Variants in TRPV2 observed in about 807,000 individuals in gnomAD.
TRPV2 encodes the protein OTRPC2.
Under a neutral mutation model 91.0 loss-of-function variants are expected in TRPV2, and 58 were observed. That is an observed-to-expected ratio of 0.64 (90% CI 0.52 to 0.79). TRPV2 has a LOEUF of 0.79. Among genes scored for constraint, TRPV2 ranks in the 30% least tolerant of loss-of-function variants. The pLI is 0.00. For missense variants in TRPV2, 807 were observed against 969.6 expected (o/e 0.83, Z 2.23); for synonymous variants, 417 against 414.8 (o/e 1.01, Z -0.06).
At position 16,435,400 on chromosome 17, in the gene TRPV2, C is replaced by T. The variant is rs541495328; in HGVS notation, c.2194+431C>T. On this transcript the variant is annotated intron_variant, in intron 14 of 14. Coordinates refer to ENST00000338560, the MANE Select transcript of TRPV2 (RefSeq NM_016113.5). This position sits in a 1 kb window ranked among gnomAD's most constrained non-coding sequence, Gnocchi z 4.2. Reference sequence around the variant, plus strand: ...CAGAGGCAGCATCTCCCTGGACCCTCAGAGGAACTGCCCTGCATAGGCCCT... The same window carrying T: ...CAGAGGCAGCATCTCCCTGGACCCTTAGAGGAACTGCCCTGCATAGGCCCT... 6.6e-6 allele frequency among the ~76,000 whole-genome samples: 1 copy of T among 152,318 alleles called. No individual in the cohort carries two copies. The highest frequency in any genetic ancestry group is 2.1e-4 in the South Asian group (1 of 4,826).
intron 10 of TRPV2, among the ~76,000 whole-genome samples, chr17:16,431,036 G>A (rs1271664310): frequency 6.7e-6 from 1 of 149,386 alleles, no homozygotes; most frequent in Non-Finnish European, 1.5e-5. Context: ...GACCCTGGAA[G>A]GTTTTTTTTT....
In TRPV2 at chr17:16,434,909, G is replaced by T. The variant is rs201799157; in HGVS notation, c.2134G>T (p.Ala712Ser). The T allele has an allele frequency of 6.2e-7, 1 of 1,612,192 alleles. No individual in the cohort carries two copies. Among genetic ancestry groups the T allele is most frequent in the East Asian group, 2.2e-5 (1 of 44,802 alleles). The change falls in exon 14 of 15, where the codon GCT (alanine) becomes TCT (serine). Residue 712 changes from alanine to serine, a missense_variant. Ala to Ser is a moderately conservative substitution (Grantham distance 99). Coordinates refer to ENST00000338560, the MANE Select transcript of TRPV2 (RefSeq NM_016113.5). ...WCFRVEEVNW[A>S]SWEQTLPTLC... is the part of the protein sequence containing the mutation. ...CCTCAGGGTGGAGGAGGTGAACTGG[G>T]CTTCATGGGAGCAGACGCTGCCTAC...
intron 3 of TRPV2, among the ~76,000 whole-genome samples, chr17:16,421,215 C>CT (rs769679042): frequency 0.022 from 3,293 of 147,604 alleles, 128 homozygotes; most frequent in African/African-American, 0.076. Context: ...TATTATTCCC[C>CT]TTTTTTTTTT....
At chr17:16,432,805 C>CTTT (rs549732624) in intron 12 of TRPV2, among the ~76,000 whole-genome samples, 1 of 135,454 alleles carries the variant, frequency 7.4e-6, no homozygotes, top group African/African-American at 2.7e-5. Context: ...TCCAGTGTTT[C>CTTT]TTTTTTTTTT....
Position 16,422,822 on chromosome 17 carries a change from G to A in TRPV2, c.558G>A (p.Gly186=), listed in dbSNP as rs1183181678. 6.3e-7 allele frequency: 1 copy of A among 1,575,288 alleles called. No homozygotes were observed. Among genetic ancestry groups the A allele is most frequent in the Non-Finnish European group, 8.6e-7 (1 of 1,158,510 alleles). The change falls in exon 4 of 15, where the codon GGG becomes GGA. Residue 186 remains glycine (G), a synonymous_variant. Transcript: ENST00000338560. ...LQCVKLLVEN[G]ANVHARACGR... ...GTGTGAAGCTCCTGGTGGAGAATGGGGCCAATGTGCATGCCCGGGCCTGCG... is the reference window on the plus strand; with the variant it reads ...GTGTGAAGCTCCTGGTGGAGAATGGAGCCAATGTGCATGCCCGGGCCTGCG...
chr17:16,433,591 G>A lies in TRPV2; in HGVS notation c.2007G>A (p.Leu669=). 6.2e-7 allele frequency: 1 copy of A among 1,614,164 alleles called. No homozygotes were observed. Among genetic ancestry groups the A allele is most frequent in the Non-Finnish European group, 8.5e-7 (1 of 1,180,026 alleles). The change falls in exon 13 of 15, where the codon CTG becomes CTA. Residue 669 remains leucine (L), a synonymous_variant. Transcript: ENST00000338560. ...IWKLQKAISV[L]EMENGYWWCR... Reference sequence around the variant, plus strand: ...GTCCCCAGAAAGCCATCTCTGTCCTGGAGATGGAGAATGGCTATTGGTGGT... The same window carrying A: ...GTCCCCAGAAAGCCATCTCTGTCCTAGAGATGGAGAATGGCTATTGGTGGT...
chr17:16,432,167 G>A lies in TRPV2; in HGVS notation c.1856G>A (p.Arg619His), dbSNP rs2093416368. 4.3e-6 allele frequency: 7 copies of A among 1,614,126 alleles called. No individual in the cohort carries two copies. Among genetic ancestry groups the A allele is most frequent in the Non-Finnish European group, 5.9e-6 (7 of 1,180,060 alleles). ...ELAFQEQLHFRGMVLLLLLAY... is the reference protein window; with the variant it reads ...ELAFQEQLHFHGMVLLLLLAY... Reference sequence around the variant, plus strand: ...GCCTTCCAGGAGCAGCTGCACTTCCGCGGCATGGTGCTGCTGCTGCTGCTG... The same window carrying A: ...GCCTTCCAGGAGCAGCTGCACTTCCACGGCATGGTGCTGCTGCTGCTGCTG... The change falls in exon 12 of 15, where the codon CGC becomes CAC. Residue 619 changes from arginine to histidine, a missense_variant. Transcript: ENST00000338560.
intron 3 of TRPV2, among the ~76,000 whole-genome samples, chr17:16,422,252 G>C (rs765690091): frequency 1.1e-4 from 17 of 150,240 alleles, no homozygotes; most frequent in Non-Finnish European, 2.2e-4. Context: ...GAACCTGGGA[G>C]GCAGAGCTTG....
At chr17:16,431,286 T>TATATATATATATATAC (rs1491151601) in intron 10 of TRPV2, among the ~76,000 whole-genome samples, 1 of 48,702 alleles carries the variant, frequency 2.1e-5, no homozygotes, top group African/African-American at 7.4e-5. Context: ...TATATATATA[T>TATATATATATATATAC]ACATATTTTT....
intron 3 of TRPV2, among the ~76,000 whole-genome samples, chr17:16,421,656 G>C (rs143345704): frequency 0.14 from 20,950 of 151,750 alleles, 3,255 homozygotes; most frequent in African/African-American, 0.38. Flanking sequence ...CGAGTAGCTG[G>C]GATTACAGGC....
chr17:16,427,270 A>G (rs554007575), intron 7 of TRPV2, among the ~76,000 whole-genome samples, 179 bp from the exon 8 acceptor site: 1 of 152,196 alleles, frequency 6.6e-6, no homozygotes, highest in African/African-American at 2.4e-5. Flanking sequence ...CTACACTGAA[A>G]TGCTACACAA....
In TRPV2 at chr17:16,426,193, T is replaced by C; in HGVS notation, c.1019T>C (p.Leu340Pro). 2 of 1,614,188 alleles carry C rather than the reference T, an allele frequency of 1.2e-6. No homozygotes were observed. Among genetic ancestry groups the C allele is most frequent in the Non-Finnish European group, 1.7e-6 (2 of 1,180,036 alleles). Residue 340 changes from leucine to proline, a missense_variant, in exon 6 of 15, where the codon CTG becomes CCG. Coordinates refer to ENST00000338560, the MANE Select transcript of TRPV2 (RefSeq NM_016113.5). The surrounding 1 kb of genome is among the most constrained non-coding windows in gnomAD (Gnocchi z 6.0). ...TGCTATGGGCCTGTCCGGGTGTCGC[T>C]GTATGACCTGGCTTCTGTGGACAGC... ...EWCYGPVRVS[L>P]YDLASVDSCE... is the part of the protein sequence containing the mutation.
In TRPV2 at chr17:16,423,411, G is replaced by A. The variant is rs1026875567; in HGVS notation, c.626-58G>A. The A allele has an allele frequency of 2.3e-5, 35 of 1,541,092 alleles. 1 individual carries two copies. The highest frequency in any genetic ancestry group is 1.8e-4 in the African/African-American group (13 of 73,300). On this transcript the variant is annotated intron_variant, in intron 4 of 14. Coordinates refer to ENST00000338560, the MANE Select transcript of TRPV2 (RefSeq NM_016113.5). ...CTGGCCTTTTGTCCAAGGAGCATGAGGAGTAGGCAGATGGAAAGCAGGAGG... is the reference window on the plus strand; with the variant it reads ...CTGGCCTTTTGTCCAAGGAGCATGAAGAGTAGGCAGATGGAAAGCAGGAGG...
chr17:16,422,656 T>C lies in TRPV2; in HGVS notation c.392T>C (p.Val131Ala), dbSNP rs1250924869. 1.4e-5 allele frequency: 23 copies of C among 1,613,808 alleles called. No individual in the cohort carries two copies. The highest frequency in any genetic ancestry group is 1.6e-4 in the Middle Eastern group (1 of 6,082). Residue 131 changes from valine to alanine, a missense_variant, in exon 4 of 15, where the codon GTC (valine) becomes GCC (alanine). Coordinates refer to ENST00000338560, the MANE Select transcript of TRPV2 (RefSeq NM_016113.5). ...MKAVLNLKDG[V>A]NACILPLLQI... ...GCTGTGCTGAACCTTAAGGACGGAG[T>C]CAATGCCTGCATTCTGCCACTGCTG...
chr17:16,421,875 C>A (rs768359004), intron 3 of TRPV2, among the ~76,000 whole-genome samples: 1 of 151,980 alleles, frequency 6.6e-6, no homozygotes, highest in South Asian at 2.1e-4. Flanking sequence ...TTTACAGTAA[C>A]GAAAACTGAG....
intron 10 of TRPV2, among the ~76,000 whole-genome samples, chr17:16,431,280 T>C (rs1244789225): frequency 4.5e-4 from 29 of 63,756 alleles, no homozygotes; most frequent in African/African-American, 1.7e-3. Flanking sequence ...TATATATATA[T>C]ATATATACAT....
In TRPV2 at chr17:16,433,672, C is replaced by T; in HGVS notation, c.2088C>T (p.Gly696=). ...VMLTVGTKPD[G]SPDERWCFRV... Reference sequence around the variant, plus strand: ...TGACCGTTGGCACTAAGCCAGATGGCAGCCCCGATGAGCGCTGGTGCTTCA... The same window carrying T: ...TGACCGTTGGCACTAAGCCAGATGGTAGCCCCGATGAGCGCTGGTGCTTCA... Residue 696 remains glycine, a synonymous_variant, in exon 13 of 15, where the codon GGC becomes GGT. Transcript: ENST00000338560. 1.9e-6 allele frequency: 3 copies of T among 1,614,056 alleles called. No individual in the cohort carries two copies. The highest frequency in any genetic ancestry group is 1.7e-6 in the Non-Finnish European group (2 of 1,180,004).
chr17:16,432,525 C>T (rs561193882), intron 12 of TRPV2, among the ~76,000 whole-genome samples: 13 of 151,726 alleles, frequency 8.6e-5, no homozygotes, highest in South Asian at 8.3e-4. Flanking sequence ...AATGCAGCCT[C>T]GGCCTCCTGA....
At chr17:16,422,322 C>CA (rs5819570) in intron 3 of TRPV2, among the ~76,000 whole-genome samples, 4,436 of 92,510 alleles carry the variant, frequency 0.048, 107 homozygotes, top group Middle Eastern at 0.068. Context: ...GACTCTGTCT[C>CA]AAAAAAAAAA....
Sources: gnomAD v4.1 joint callset for allele counts (sites outside exome capture counted in the v4.1 genomes callset) on GRCh38, gnomAD v4.1.1 for gene constraint, Gnocchi (gnomAD v3.1) non-coding constraint, MANE v1.5 for transcripts, NCBI Gene and HGNC (gene_info 2026-07-23, HGNC 2026-07-21) for gene names.